Variants in CNTN5 observed in about 807,000 individuals in gnomAD.
The protein encoded by CNTN5 is contactin-5.
Under a neutral mutation model 129.1 loss-of-function variants are expected in CNTN5, and 77 were observed. The ratio of observed to expected loss-of-function variants is 0.60; its 90% CI spans 0.50 to 0.72. The LOEUF is 0.72. Ranked by LOEUF, CNTN5 falls within the 30% of genes least tolerant of loss-of-function variation. CNTN5 has a pLI of 0.00. For missense variants in CNTN5, 1,478 were observed against 1,328.8 expected (o/e 1.11, Z -1.75); for synonymous variants, 509 against 465.6 (o/e 1.09, Z -1.20).
intron 13 of CNTN5, among the ~76,000 whole-genome samples, chr11:100,075,815 A>T (rs898784851): frequency 6.6e-6 from 1 of 152,140 alleles, no homozygotes; most frequent in Non-Finnish European, 1.5e-5. Context: ...TCTGGTTTCT[A>T]TCATTCTCTT....
At chr11:99,634,256 G>C (rs17669009) in intron 3 of CNTN5, among the ~76,000 whole-genome samples, 8,739 of 152,218 alleles carry the variant, frequency 0.057, 295 homozygotes, top group East Asian at 0.1. Flanking sequence ...CTTTAAATGG[G>C]ATAAAATAAC....
In CNTN5 at chr11:99,433,278, T is replaced by G. The variant is rs551658256; in HGVS notation, c.-71+107794T>G. ...AGGTTTAGAAAAGATGTTGAAAATA[T>G]AAGTAATTTTGCTACTGACTGACTG... On this transcript the variant is annotated intron_variant, in intron 2 of 24. Transcript: ENST00000524871. Among the ~76,000 whole-genome samples, 19 of 152,048 alleles carry G rather than the reference T, an allele frequency of 1.2e-4. No homozygotes were observed. In the South Asian group the frequency reaches 3.3e-3, roughly 27 times the overall value.
intron 1 of CNTN5, among the ~76,000 whole-genome samples, chr11:99,168,328 C>T (rs1860976513): frequency 6.6e-6 from 1 of 151,904 alleles, no homozygotes; most frequent in Non-Finnish European, 1.5e-5. Context: ...CTTTGGGAGG[C>T]CGAGGCCGGG....
chr11:99,715,306 A>G (rs988910019), intron 3 of CNTN5, among the ~76,000 whole-genome samples: 1 of 151,872 alleles, frequency 6.6e-6, no homozygotes, highest in Non-Finnish European at 1.5e-5. Flanking sequence ...GAGTAACAGC[A>G]GCAGAACTCC....
At chr11:100,130,830 C>T (rs552835926) in intron 13 of CNTN5, among the ~76,000 whole-genome samples, 35 of 151,990 alleles carry the variant, frequency 2.3e-4, no homozygotes, top group African/African-American at 7.2e-4. Flanking sequence ...ACAGTTTTGG[C>T]GGGGGAAAAT....
chr11:100,041,104 C>A (rs533018139), intron 9 of CNTN5, among the ~76,000 whole-genome samples: 2 of 152,040 alleles, frequency 1.3e-5, no homozygotes, highest in Non-Finnish European at 2.9e-5. Flanking sequence ...TGTTCCTATT[C>A]GGCCATCTTG....
At chr11:99,343,514 A>G (rs1417322522) in intron 2 of CNTN5, among the ~76,000 whole-genome samples, 1 of 152,208 alleles carries the variant, frequency 6.6e-6, no homozygotes, top group Non-Finnish European at 1.5e-5. Flanking sequence ...GAATTAAAGT[A>G]TATTTTAAAT....
At chr11:99,207,242 A>G (rs574068806) in intron 1 of CNTN5, among the ~76,000 whole-genome samples, 1 of 152,188 alleles carries the variant, frequency 6.6e-6, no homozygotes, top group Non-Finnish European at 1.5e-5. Flanking sequence ...AATACTGTAC[A>G]GGACGCATCT....
intron 18 of CNTN5, among the ~76,000 whole-genome samples, chr11:100,292,508 A>G (rs1034368134): frequency 6.6e-6 from 1 of 152,022 alleles, no homozygotes; most frequent in Admixed American, 6.6e-5. Context: ...CAAGTAGCTC[A>G]GTATGAAATT....
Position 99,682,632 on chromosome 11 carries a change from T to C in CNTN5, c.55+126363T>C, listed in dbSNP as rs562290267. ...ACCCAAACACATCCGTTCTGTGTAATAGGTTGAACTCACCTATTACAATAA... is the reference window on the plus strand; with the variant it reads ...ACCCAAACACATCCGTTCTGTGTAACAGGTTGAACTCACCTATTACAATAA... On this transcript the variant is annotated intron_variant, in intron 3 of 24. Transcript: ENST00000524871. Among the ~76,000 whole-genome samples, 12 of 152,092 alleles carry C rather than the reference T, an allele frequency of 7.9e-5. 1 individual carries two copies. In the East Asian group the frequency reaches 2.3e-3, roughly 29 times the overall value.
chr11:99,954,291 A>G (rs1202166672), intron 7 of CNTN5, among the ~76,000 whole-genome samples: 3 of 152,208 alleles, frequency 2.0e-5, no homozygotes, highest in African/African-American at 7.2e-5. Context: ...TGAAATAGGG[A>G]CTACTCACTG....
intron 3 of CNTN5, among the ~76,000 whole-genome samples, chr11:99,755,843 A>G (rs893331768): frequency 4.6e-5 from 7 of 152,116 alleles, no homozygotes; most frequent in Non-Finnish European, 5.9e-5. Context: ...TATATTTTTC[A>G]AGTGACATTT....
At chr11:100,190,531 C>G (rs1276465183) in intron 13 of CNTN5, among the ~76,000 whole-genome samples, 1 of 151,974 alleles carries the variant, frequency 6.6e-6, no homozygotes, top group Non-Finnish European at 1.5e-5. Context: ...TAACAAAGGT[C>G]TTGAAAGAGC....
intron 3 of CNTN5, among the ~76,000 whole-genome samples, chr11:99,812,409 T>C (rs1946456346): frequency 6.6e-6 from 1 of 152,130 alleles, no homozygotes; most frequent in African/African-American, 2.4e-5. Context: ...TATTCAGTTA[T>C]ACCCACAAGA....
intron 3 of CNTN5, among the ~76,000 whole-genome samples, chr11:99,747,719 G>T (rs1396091431): frequency 6.6e-6 from 1 of 151,960 alleles, no homozygotes; most frequent in Non-Finnish European, 1.5e-5. Context: ...TGATCCACCC[G>T]CCTCGGCCTC....
intron 23 of CNTN5, among the ~76,000 whole-genome samples, chr11:100,348,951 C>A (rs1324329914): frequency 6.6e-6 from 1 of 151,828 alleles, no homozygotes; most frequent in Non-Finnish European, 1.5e-5. Context: ...GATGAATCTC[C>A]GGTATGTAGT....
Position 99,360,356 on chromosome 11 carries a change from A to AG in CNTN5, c.-71+34876dup, listed in dbSNP as rs575619142. Among the ~76,000 whole-genome samples the AG allele has an allele frequency of 1.6e-3, 248 of 152,272 alleles. 3 individuals are homozygous for AG. The highest frequency in any genetic ancestry group is 5.8e-3 in the African/African-American group (243 of 41,570). ...GCAGTTCTCCCTCTTGAAGCTCCTT[A>AG]GGGGATTGCTCTAGTGGGTCTGTCT... On this transcript the variant is annotated intron_variant, in intron 2 of 24. Transcript: ENST00000524871.
chr11:99,703,915 A>G (rs763729411), intron 3 of CNTN5, among the ~76,000 whole-genome samples: 2 of 151,136 alleles, frequency 1.3e-5, no homozygotes, highest in African/African-American at 2.4e-5. Context: ...GAAATGATTA[A>G]TGCATAGGAT....
chr11:99,137,554 G>T lies in CNTN5; in HGVS notation c.-210+116284G>T, dbSNP rs772655773. Among the ~76,000 whole-genome samples, 69 of 152,040 alleles carry T rather than the reference G, an allele frequency of 4.5e-4. 1 individual carries two copies. The highest frequency in any genetic ancestry group is 2.9e-5 in the Non-Finnish European group (2 of 67,982). On this transcript the variant is annotated intron_variant, in intron 1 of 24. Coordinates refer to ENST00000524871, the MANE Select transcript of CNTN5 (RefSeq NM_014361.4). ...AGACCCAACAGCAATATTGTAAAAG[G>T]TTATCATATTTTATTAAAGTGAATT... is the stretch of plus-strand genomic sequence containing the variant.
Sources: allele counts gnomAD v4.1 joint callset (sites outside exome capture counted in the v4.1 genomes callset), GRCh38; gene constraint gnomAD v4.1.1; transcripts MANE v1.5; gene names NCBI Gene and HGNC (gene_info 2026-07-23, HGNC 2026-07-21).